Variants in YWHAE observed in about 807,000 individuals in gnomAD.
YWHAE encodes tyrosine 3-monooxygenase/tryptophan 5-monooxygenase activation protein epsilon.
YWHAE carries 4 observed loss-of-function variants against 30.1 expected under a neutral mutation model. The observed-to-expected ratio is 0.13, with a 90% confidence interval of 0.07 to 0.30. The LOEUF (loss-of-function observed/expected upper bound fraction) is 0.30. Ranked by LOEUF, YWHAE falls within the 10% of genes least tolerant of loss-of-function variation. The pLI, the probability that YWHAE is intolerant of heterozygous loss-of-function variation, is 1.00. For synonymous variants in YWHAE, 118 were observed against 111.8 expected, an observed-to-expected ratio of 1.06 and a Z score of -0.35; for missense variants, 121 against 315.9, an observed-to-expected ratio of 0.38 and a Z score of 4.68.
At chr17:1,381,533 A>G (rs964727954) in intron 1 of YWHAE, among the ~76,000 whole-genome samples, 3 of 152,160 alleles carry the variant, frequency 2.0e-5, no homozygotes, top group Non-Finnish European at 4.4e-5. Flanking sequence ...ACTCAAAAAA[A>G]TAAGTAAATA....
chr17:1,361,026 G>T (rs1051501606), intron 4 of YWHAE, 66 bp downstream of exon 4: 2 of 1,474,340 alleles, frequency 1.4e-6, no homozygotes, highest in East Asian at 2.3e-5. Flanking sequence ...GAAACAACAC[G>T]GAAAACCCAA....
intron 1 of YWHAE, chr17:1,399,539 A>T (rs1472844926): frequency 1.7e-5 from 3 of 173,410 alleles, no homozygotes; most frequent in African/African-American, 7.7e-5. Context: ...GCCGCCCCAC[A>T]CGGGGCCTCC....
intron 1 of YWHAE, among the ~76,000 whole-genome samples, chr17:1,366,113 G>A (rs954621559): frequency 1.3e-4 from 20 of 151,386 alleles, no homozygotes; most frequent in African/African-American, 4.9e-4. Context: ...GTACTCTAGA[G>A]ACTGAGACAG....
At chr17:1,363,390 C>T (rs369100334) in intron 2 of YWHAE, among the ~76,000 whole-genome samples, 2 of 152,084 alleles carry the variant, frequency 1.3e-5, no homozygotes, top group Non-Finnish European at 2.9e-5. Context: ...CTCAGCCTCC[C>T]GAGTAGCTGG....
intron 3 of YWHAE, among the ~76,000 whole-genome samples, chr17:1,361,504 T>G (rs1393741422): frequency 1.3e-5 from 2 of 152,036 alleles, no homozygotes; most frequent in Non-Finnish European, 2.9e-5. Flanking sequence ...TTACTAAATA[T>G]AAGCAAAAAT....
At chr17:1,378,701 T>C (rs898970765) in intron 1 of YWHAE, among the ~76,000 whole-genome samples, 8 of 152,330 alleles carry the variant, frequency 5.3e-5, no homozygotes, top group African/African-American at 1.2e-4. Context: ...TCCCAGCACT[T>C]TGAGAGGCCA....
intron 1 of YWHAE, among the ~76,000 whole-genome samples, chr17:1,395,660 T>C (rs1473499161): frequency 2.6e-5 from 4 of 152,226 alleles, no homozygotes; most frequent in Non-Finnish European, 5.9e-5. Flanking sequence ...AAAGAACTGG[T>C]AGTTAATCTA....
chr17:1,387,008 CTT>C (rs1449523579), intron 1 of YWHAE, among the ~76,000 whole-genome samples: 1 of 150,490 alleles, frequency 6.6e-6, no homozygotes, highest in Admixed American at 6.6e-5. Context: ...TTCTATGAAA[CTT>C]TAAGACTCCT....
intron 1 of YWHAE, among the ~76,000 whole-genome samples, chr17:1,393,835 TGA>T (rs1294022182): frequency 1.3e-5 from 2 of 152,290 alleles, no homozygotes; most frequent in Admixed American, 6.5e-5. Context: ...ATAAACATTC[TGA>T]GAGTACCTAA....
chr17:1,399,227 G>A (rs910443199), intron 1 of YWHAE: 1 of 152,134 alleles, frequency 6.6e-6, no homozygotes, highest in Non-Finnish European at 1.5e-5. Flanking sequence ...GATGGAGCCA[G>A]AGAAAGGTTA....
intron 5 of YWHAE, among the ~76,000 whole-genome samples, chr17:1,350,293 C>G (rs1319521469): frequency 6.6e-6 from 1 of 152,064 alleles, no homozygotes; most frequent in Non-Finnish European, 1.5e-5. Context: ...TAAAACTGTA[C>G]TCGACAACCA....
At chr17:1,357,232 T>C (rs1315614346) in intron 4 of YWHAE, among the ~76,000 whole-genome samples, 1 of 151,488 alleles carries the variant, frequency 6.6e-6, no homozygotes, top group Admixed American at 6.6e-5. Flanking sequence ...TGAAACCCCA[T>C]CTCTACTAAA....
At chr17:1,362,237 C>G (rs945640830) in intron 2 of YWHAE, among the ~76,000 whole-genome samples, 5 of 152,072 alleles carry the variant, frequency 3.3e-5, no homozygotes, top group Admixed American at 3.3e-4. Flanking sequence ...CACACACATG[C>G]AGGCACGCAC....
At chr17:1,387,370 T>C (rs1046271380) in intron 1 of YWHAE, among the ~76,000 whole-genome samples, 1 of 152,138 alleles carries the variant, frequency 6.6e-6, no homozygotes, top group Non-Finnish European at 1.5e-5. Flanking sequence ...GGGAGATCAA[T>C]GACCTAAAAC....
intron 1 of YWHAE, among the ~76,000 whole-genome samples, chr17:1,375,593 T>TGGTTTGGGGACAAGGGTG (rs1181939053): frequency 2.0e-5 from 3 of 152,204 alleles, no homozygotes; most frequent in Non-Finnish European, 4.4e-5. Context: ...GGACTTTTCA[T>TGGTTTGGGGACAAGGGTG]GGTTTGGGGA....
intron 1 of YWHAE, among the ~76,000 whole-genome samples, chr17:1,383,141 G>A (rs151276545): frequency 5.3e-5 from 8 of 149,946 alleles, no homozygotes; most frequent in Non-Finnish European, 1.0e-4. Context: ...ACCTGAGGTC[G>A]AGAGTTCGAG....
intron 1 of YWHAE, among the ~76,000 whole-genome samples, chr17:1,390,918 T>C (rs2150876683): frequency 6.6e-6 from 1 of 152,316 alleles, no homozygotes; most frequent in Middle Eastern, 3.4e-3. Context: ...AACTACACAG[T>C]TTGGCATTCT....
intron 2 of YWHAE, 62 bp downstream of exon 2, chr17:1,364,797 T>C (rs1179702316): frequency 3.2e-6 from 5 of 1,578,440 alleles, no homozygotes; most frequent in African/African-American, 1.4e-5. Context: ...AAATCTTAAG[T>C]GTACCGTCCT....
At chr17:1,349,242 C>T (rs8065667) in intron 5 of YWHAE, among the ~76,000 whole-genome samples, 112,086 of 151,836 alleles carry the variant, frequency 0.74, 42,747 homozygotes, top group African/African-American at 0.93. Context: ...TCAGAGAGGA[C>T]GAGGCAGAAG....
Sources: allele counts gnomAD v4.1 joint callset (sites outside exome capture counted in the v4.1 genomes callset), GRCh38; gene constraint gnomAD v4.1.1; transcripts MANE v1.5; gene names NCBI Gene and HGNC (gene_info 2026-07-23, HGNC 2026-07-21).